The following NRCAM variants were observed in gnomAD, a reference collection of about 807,000 sequenced individuals.
The protein encoded by NRCAM is neuronal cell adhesion molecule.
In NRCAM, 83 loss-of-function variants were observed where a neutral mutation model predicts 156.5. That is an observed-to-expected ratio of 0.53 (90% CI 0.44 to 0.64). NRCAM has a LOEUF of 0.64. Among genes scored for constraint, NRCAM ranks in the 30% least tolerant of loss-of-function variants. The pLI is 0.00. For synonymous variants in NRCAM, 538 were observed against 563.9 expected, an observed-to-expected ratio of 0.95 and a Z score of 0.65; for missense variants, 1,417 against 1,597.3, an observed-to-expected ratio of 0.89 and a Z score of 1.92.
chr7:108,180,397 T>C lies in NRCAM; in HGVS notation c.2677A>G (p.Lys893Glu), dbSNP rs767129347. 6.2e-7 allele frequency: 1 copy of C among 1,614,232 alleles called. No individual in the cohort carries two copies. Among genetic ancestry groups the C allele is most frequent in the South Asian group, 1.1e-5 (1 of 91,084 alleles). ...IYYWKTQSSS[K>E]RNRRHIEKKI... ...TTCTCAATGTGACGTCTGTTTCTTT[T>C]AGATGAACTCTGGGTCTTCCAATAG... is the stretch of plus-strand genomic sequence containing the variant. The change falls in exon 25 of 33, where the codon AAA becomes GAA. Residue 893 changes from lysine (K) to glutamate (E), a missense_variant. By Grantham distance (56) the Lys-to-Glu change is moderately conservative (BLOSUM62 1). This residue lies in a region of NRCAM where 1,238 missense variants were observed against 1,336.4 expected (regional missense o/e 0.93). Transcript: ENST00000379028.
At chr7:108,186,293 C>G (rs1440317829) in intron 20 of NRCAM, among the ~76,000 whole-genome samples, 1 of 152,226 alleles carries the variant, frequency 6.6e-6, no homozygotes, top group African/African-American at 2.4e-5. Context: ...CTTCCCTGAA[C>G]TGCAGACTCA....
chr7:108,188,204 T>C (rs923833839), intron 20 of NRCAM, among the ~76,000 whole-genome samples: 6 of 152,186 alleles, frequency 3.9e-5, no homozygotes, highest in Admixed American at 6.5e-5. Context: ...GGAGGAGTTC[T>C]GCATTAGGCA....
chr7:108,355,588 A>C (rs1386903955), intron 2 of NRCAM, among the ~76,000 whole-genome samples: 3 of 152,220 alleles, frequency 2.0e-5, no homozygotes, highest in Non-Finnish European at 4.4e-5. Flanking sequence ...GAAATAATCC[A>C]TAGGTTTTAA....
At chr7:108,166,872 G>A (rs199799672) in intron 30 of NRCAM, 49 bp downstream of exon 30, 102 of 1,577,844 alleles carry the variant, frequency 6.5e-5, no homozygotes, top group Non-Finnish European at 4.9e-5. Context: ...AGCACCTGGC[G>A]GCCTCCACCT....
chr7:108,239,568 G>A (rs1272353141), intron 4 of NRCAM, among the ~76,000 whole-genome samples: 1 of 152,076 alleles, frequency 6.6e-6, no homozygotes, highest in Non-Finnish European at 1.5e-5. Flanking sequence ...AAGTGGTGAA[G>A]GGATGAGTGG....
chr7:108,381,353 T>C (rs2154358339), intron 2 of NRCAM, among the ~76,000 whole-genome samples: 1 of 152,276 alleles, frequency 6.6e-6, no homozygotes, highest in South Asian at 2.1e-4. Flanking sequence ...TTTAATTGCA[T>C]ATCCTAAATC....
At chr7:108,390,339 G>A (rs537011868) in intron 2 of NRCAM, among the ~76,000 whole-genome samples, 13 of 152,154 alleles carry the variant, frequency 8.5e-5, no homozygotes, top group Middle Eastern at 3.4e-3. Flanking sequence ...GTTTATTTGC[G>A]TAGAGGTGTT....
At chr7:108,313,801 T>TA (rs905678503) in intron 2 of NRCAM, among the ~76,000 whole-genome samples, 139 of 152,048 alleles carry the variant, frequency 9.1e-4, no homozygotes, top group Non-Finnish European at 1.6e-3. Flanking sequence ...TTTCACTTTT[T>TA]AAAAAAAACC....
intron 3 of NRCAM, among the ~76,000 whole-genome samples, chr7:108,304,061 G>T (rs978204347): frequency 9.9e-5 from 15 of 152,256 alleles, no homozygotes; most frequent in East Asian, 3.9e-4. Flanking sequence ...GAGGGAAGAA[G>T]TGAACACCTC....
chr7:108,164,218 G>T (rs1397777423), intron 30 of NRCAM, among the ~76,000 whole-genome samples: 2 of 148,528 alleles, frequency 1.3e-5, no homozygotes, highest in East Asian at 3.9e-4. Flanking sequence ...GTAGTGAGAG[G>T]TCATACCAGG....
chr7:108,448,935 G>C (rs1238084339), intron 1 of NRCAM, among the ~76,000 whole-genome samples: 2 of 152,192 alleles, frequency 1.3e-5, no homozygotes, highest in African/African-American at 4.8e-5. Flanking sequence ...AAGGGAAGCT[G>C]GTTGGGCATT....
chr7:108,152,555 A>C (rs969013246), intron 32 of NRCAM, among the ~76,000 whole-genome samples: 1 of 152,112 alleles, frequency 6.6e-6, no homozygotes, highest in Non-Finnish European at 1.5e-5. Context: ...TCAAAGAATA[A>C]GTGACATGCT....
intron 3 of NRCAM, among the ~76,000 whole-genome samples, chr7:108,294,935 T>G (rs1296520227): frequency 1.3e-5 from 2 of 152,190 alleles, no homozygotes; most frequent in Admixed American, 1.3e-4. Flanking sequence ...TTAGTATCCC[T>G]AAAGTCCACA....
At chr7:108,232,288 T>G in intron 7 of NRCAM, 38 bp downstream of exon 7, 1 of 1,482,272 alleles carries the variant, frequency 6.7e-7, no homozygotes, top group East Asian at 2.3e-5. Flanking sequence ...GAGCAATACT[T>G]TAAAAAGGGT....
At chr7:108,345,265 G>T (rs558383473) in intron 2 of NRCAM, among the ~76,000 whole-genome samples, 1 of 152,236 alleles carries the variant, frequency 6.6e-6, no homozygotes, top group Non-Finnish European at 1.5e-5. Context: ...AACTCAGAAA[G>T]GTTCCTCAGT....
At chr7:108,295,223 T>C (rs923479760) in intron 3 of NRCAM, among the ~76,000 whole-genome samples, 1 of 152,234 alleles carries the variant, frequency 6.6e-6, no homozygotes, top group African/African-American at 2.4e-5. Flanking sequence ...CGCTCTGTAC[T>C]AGGCACTTTT....
At chr7:108,349,224 T>G (rs1169057851) in intron 2 of NRCAM, among the ~76,000 whole-genome samples, 1 of 152,056 alleles carries the variant, frequency 6.6e-6, no homozygotes, top group Non-Finnish European at 1.5e-5. Context: ...TTCACTTATT[T>G]AAGTCACTAT....
intron 3 of NRCAM, among the ~76,000 whole-genome samples, chr7:108,243,522 A>T (rs2095683663): frequency 6.6e-6 from 1 of 152,236 alleles, no homozygotes; most frequent in Non-Finnish European, 1.5e-5. Flanking sequence ...ATGAACTAAA[A>T]CTAAATTGTT....
intron 2 of NRCAM, among the ~76,000 whole-genome samples, chr7:108,381,637 T>C (rs1440238173): frequency 6.6e-6 from 1 of 151,290 alleles, no homozygotes; most frequent in East Asian, 1.9e-4. Context: ...TCGGCTCACT[T>C]CAACCTCCGC....
Sources: gnomAD v4.1 joint callset for allele counts (sites outside exome capture counted in the v4.1 genomes callset) on GRCh38, gnomAD v4.1.1 for gene constraint, gnomAD v4.1.1 regional missense constraint, MANE v1.5 for transcripts, NCBI Gene and HGNC (gene_info 2026-07-23, HGNC 2026-07-21) for gene names.